ACVR1C: variants seen among roughly 807,000 people sequenced by gnomAD.
ACVR1C encodes the protein activin A receptor type 1C, also known as activin receptor type-1C.
Under a neutral mutation model 57.9 loss-of-function variants are expected in ACVR1C, and 23 were observed. The ratio of observed to expected loss-of-function variants is 0.40; its 90% confidence interval spans 0.29 to 0.56. ACVR1C has a LOEUF of 0.56. Ranked by LOEUF, ACVR1C falls within the 20% of genes least tolerant of loss-of-function variation. The pLI is 0.50. For synonymous variants in ACVR1C, 214 were observed against 215.3 expected (o/e 0.99, Z 0.05); for missense variants, 480 against 607.9 (o/e 0.79, Z 2.21).
intron 1 of ACVR1C, among the ~76,000 whole-genome samples, chr2:157,616,794 C>G (rs554434734): frequency 5.9e-4 from 90 of 151,830 alleles, no homozygotes; most frequent in African/African-American, 2.1e-3. Flanking sequence ...AGAAAGAATA[C>G]AGTTAAACAT....
At chr2:157,621,889 T>C (rs551069130) in intron 1 of ACVR1C, among the ~76,000 whole-genome samples, 4 of 152,278 alleles carry the variant, frequency 2.6e-5, no homozygotes, top group African/African-American at 9.6e-5. Flanking sequence ...GGCTATTTAG[T>C]TGTTGAAAAG....
At chr2:157,549,427 T>C (rs1214264369) in intron 4 of ACVR1C, among the ~76,000 whole-genome samples, 3 of 152,124 alleles carry the variant, frequency 2.0e-5, no homozygotes, top group Non-Finnish European at 4.4e-5. Context: ...TGCCTCCGTA[T>C]CTCTTCATGA....
In ACVR1C at chr2:157,532,922, A is replaced by G. The variant is rs1408526755; in HGVS notation, c.*996T>C. On this transcript the variant is annotated 3_prime_UTR_variant, in exon 9 of 9. Transcript: ENST00000243349. ...TCTTAAAGACATTTTCAGACAATGA[A>G]TATTTATGTTTGATTAATCTTTGGA... 2 of 152,172 alleles carry G rather than the reference A, an allele frequency of 1.3e-5. No homozygotes were observed. Among genetic ancestry groups the G allele is most frequent in the Non-Finnish European group, 1.5e-5 (1 of 68,022 alleles). The allele number at this position is 152,172 out of a possible 1,614,324, so 9.4% of individuals were successfully genotyped here. A position where few individuals can be genotyped will look rare whatever the true frequency, so the allele number is the denominator to read the frequency against.
At chr2:157,624,826 T>C (rs1682865022) in intron 1 of ACVR1C, among the ~76,000 whole-genome samples, 2 of 152,228 alleles carry the variant, frequency 1.3e-5, no homozygotes, top group African/African-American at 4.8e-5. Flanking sequence ...ACAGGACTTC[T>C]TTTATGTTGG....
chr2:157,576,267 G>A (rs1394945343), intron 2 of ACVR1C, among the ~76,000 whole-genome samples: 6 of 136,928 alleles, frequency 4.4e-5, no homozygotes, highest in South Asian at 2.2e-4. Context: ...GTGCAATGGC[G>A]CAATCTCAGC....
intron 1 of ACVR1C, among the ~76,000 whole-genome samples, chr2:157,595,111 T>C (rs757247784): frequency 3.3e-5 from 5 of 152,248 alleles, no homozygotes; most frequent in Non-Finnish European, 7.3e-5. Context: ...TGTGGGACAA[T>C]TATTAATCAA....
rs563904048 is a variant in ACVR1C, at chr2:157,556,729, T to A, written c.305-397A>T. Among the ~76,000 whole-genome samples, 15 of 147,782 alleles carry A rather than the reference T, an allele frequency of 1.0e-4. No individual in the cohort carries two copies. The South Asian group carries it at 2.9e-3, about 28-fold the overall frequency. On this transcript the variant is annotated intron_variant, in intron 2 of 8. Transcript: ENST00000243349. ...CCCAGGCTGGAGTGCAGTGGTGCGA[T>A]CTGGGCTCACTGTAACCTCCACCTC...
intron 1 of ACVR1C, among the ~76,000 whole-genome samples, chr2:157,591,408 G>A (rs1689052854): frequency 1.3e-5 from 2 of 151,960 alleles, no homozygotes; most frequent in South Asian, 2.1e-4. Context: ...AATAGAAAAT[G>A]AACAGCATAG....
At chr2:157,572,258 CTAA>C (rs1484501904) in intron 2 of ACVR1C, among the ~76,000 whole-genome samples, 1 of 141,406 alleles carries the variant, frequency 7.1e-6, no homozygotes, top group African/African-American at 2.7e-5. Context: ...GGAGATATAC[CTAA>C]TGCTAGATGA....
intron 4 of ACVR1C, among the ~76,000 whole-genome samples, chr2:157,548,964 C>T (rs895265003): frequency 1.3e-5 from 2 of 152,140 alleles, no homozygotes; most frequent in Non-Finnish European, 2.9e-5. Flanking sequence ...AAATACAGCC[C>T]TAACAAAGTT....
Position 157,554,201 on chromosome 2 carries a change from G to GAGAGAGAAAGAAAGAAAGAAAGAAAGAA in ACVR1C, c.544+1891_544+1892insTTCTTTCTTTCTTTCTTTCTTTCTCTCT, listed in dbSNP as rs1553481316. Among the ~76,000 whole-genome samples the GAGAGAGAAAGAAAGAAAGAAAGAAAGAA allele has an allele frequency of 3.1e-4, 13 of 41,440 alleles. 1 individual carries two copies. Among genetic ancestry groups the GAGAGAGAAAGAAAGAAAGAAAGAAAGAA allele is most frequent in the Admixed American group, 1.4e-3 (4 of 2,872 alleles). The allele number at this position is 41,440 out of a possible 152,430, so 27.2% of individuals were successfully genotyped here. On this transcript the variant is annotated intron_variant, in intron 3 of 8. Coordinates refer to ENST00000243349, the MANE Select transcript of ACVR1C (RefSeq NM_145259.3). ...CTGGAAAAAAAAAAAATAAAGAAGA[G>GAGAGAGAAAGAAAGAAAGAAAGAAAGAA]AGAAAGAAAGAAAGAAAGAAAGAAA...
At chr2:157,537,239 T>C (rs941626841) in intron 8 of ACVR1C, among the ~76,000 whole-genome samples, 2 of 151,990 alleles carry the variant, frequency 1.3e-5, no homozygotes, top group Non-Finnish European at 2.9e-5. Context: ...AAGAAATAAT[T>C]GATTATAATA....
chr2:157,539,348 G>C (rs1455890348), intron 7 of ACVR1C, among the ~76,000 whole-genome samples: 2 of 152,116 alleles, frequency 1.3e-5, no homozygotes, highest in African/African-American at 4.8e-5. Context: ...TATTTAAAGA[G>C]TCTCAAAGAC....
In ACVR1C at chr2:157,528,829, A is replaced by G. The variant is rs1281678376; in HGVS notation, c.*5089T>C. On this transcript the variant is annotated 3_prime_UTR_variant, in exon 9 of 9. Coordinates refer to ENST00000243349, the MANE Select transcript of ACVR1C (RefSeq NM_145259.3). ...AAGAAAAATCATCTCTGCCATTAAC[A>G]AATACTCTATAGTGCCAAATGAAGG... is the stretch of plus-strand genomic sequence containing the variant. 1.3e-5 allele frequency: 2 copies of G among 152,324 alleles called. No individual in the cohort carries two copies. Among genetic ancestry groups the G allele is most frequent in the Admixed American group, 1.3e-4 (2 of 15,294 alleles). 9.4% of individuals were successfully genotyped at this position (152,324 alleles called of 1,614,324 possible).
At chr2:157,556,929 C>T (rs1688117954) in intron 2 of ACVR1C, among the ~76,000 whole-genome samples, 1 of 152,124 alleles carries the variant, frequency 6.6e-6, no homozygotes, top group Non-Finnish European at 1.5e-5. Flanking sequence ...TCCCAAAGTG[C>T]TGGGATTACA....
intron 1 of ACVR1C, among the ~76,000 whole-genome samples, chr2:157,616,889 T>C (rs1425673729): frequency 6.6e-6 from 1 of 151,460 alleles, no homozygotes; most frequent in Non-Finnish European, 1.5e-5. Flanking sequence ...AAAAAATTAC[T>C]AGTCAAAAAG....
intron 2 of ACVR1C, among the ~76,000 whole-genome samples, chr2:157,585,494 T>C (rs1021182983): frequency 8.5e-5 from 13 of 152,176 alleles, no homozygotes; most frequent in South Asian, 4.1e-4. Context: ...TTAGGTACGC[T>C]TGATTTGCCC....
chr2:157,584,488 A>G (rs1688869786), intron 2 of ACVR1C, among the ~76,000 whole-genome samples: 1 of 152,080 alleles, frequency 6.6e-6, no homozygotes, highest in African/African-American at 2.4e-5. Flanking sequence ...CATATGAAAA[A>G]TAATTTAACA....
At chr2:157,542,304 T>C (rs1192531540) in intron 6 of ACVR1C, among the ~76,000 whole-genome samples, 1 of 152,224 alleles carries the variant, frequency 6.6e-6, no homozygotes, top group Non-Finnish European at 1.5e-5. Context: ...GTGTCTGTTG[T>C]ATAGAATCTG....
Sources: gnomAD v4.1 joint callset for allele counts (sites outside exome capture counted in the v4.1 genomes callset) on GRCh38, gnomAD v4.1.1 for gene constraint, MANE v1.5 for transcripts, NCBI Gene and HGNC (gene_info 2026-07-23, HGNC 2026-07-21) for gene names.